Variants in FUS observed in about 807,000 individuals in gnomAD.
FUS encodes the protein FUS RNA binding protein.
FUS carries 5 observed loss-of-function variants against 82.7 expected under a neutral mutation model. The observed-to-expected ratio is 0.06, with a 90% CI of 0.03 to 0.13. The LOEUF (loss-of-function observed/expected upper bound fraction) is 0.13. Ranked by LOEUF, FUS falls within the 10% of genes least tolerant of loss-of-function variation. FUS has a pLI of 1.00. For synonymous variants in FUS, 281 were observed against 247.4 expected (o/e 1.14, Z -1.27); for missense variants, 512 against 707.8 (o/e 0.72, Z 3.14).
rs2079301664 is a variant in FUS, at chr16:31,188,318, A to G, written c.800-7A>G. 3.7e-6 allele frequency: 6 copies of G among 1,607,442 alleles called. No homozygotes were observed. The South Asian group carries it at 6.6e-5, about 18-fold the overall frequency. ...TTTTTTTGTTCTTTTTTTCCATGTC[A>G]CTAAAGGCCCTCGGGACCAAGGATC... On this transcript the variant is annotated splice_region_variant and splice_polypyrimidine_tract_variant and intron_variant, in intron 7 of 14. Transcript: ENST00000254108.
chr16:31,188,803 A>G (rs2079310014), intron 8 of FUS: 2 of 473,782 alleles, frequency 4.2e-6, no homozygotes, highest in Non-Finnish European at 7.5e-6. Context: ...TTCTTATTTA[A>G]TTCGGGGACC....
At chr16:31,184,163 G>T (rs1399082457) in intron 4 of FUS, 46 bp from the exon 5 acceptor site, 4 of 1,614,088 alleles carry the variant, frequency 2.5e-6, no homozygotes, top group South Asian at 2.2e-5. Flanking sequence ...AGGAAATTGG[G>T]GGCTATGCTG....
chr16:31,190,452 T>A, intron 12 of FUS, 54 bp downstream of exon 12: 1 of 1,612,036 alleles, frequency 6.2e-7, no homozygotes, highest in African/African-American at 1.3e-5. Flanking sequence ...CTCTTTGATA[T>A]ATTGGTACTG....
chr16:31,191,793 T>G (rs776599739), downstream of FUS: 4 of 582,742 alleles, frequency 6.9e-6, no homozygotes, highest in Admixed American at 4.3e-5. Flanking sequence ...GGTGTATAAA[T>G]GAGAAATGAA....
chr16:31,188,204 T>A (rs2079298929), intron 7 of FUS, 121 bp from the exon 8 acceptor site: 8 of 1,057,056 alleles, frequency 7.6e-6, no homozygotes, highest in Non-Finnish European at 1.1e-5. Flanking sequence ...ACTTACTTGA[T>A]ATTTTACAAG....
At position 31,184,908 on chromosome 16, in the gene FUS, T is replaced by C. The variant is rs754668657; in HGVS notation, c.524-31T>C. ...TGCTACTTTACAATCTTTTTGTTTTTTTTTTTTAATCATTCTTTCTTTTCT... is the reference window on the plus strand; with the variant it reads ...TGCTACTTTACAATCTTTTTGTTTTCTTTTTTTAATCATTCTTTCTTTTCT... On this transcript the variant is annotated intron_variant, in intron 5 of 14. Coordinates refer to ENST00000254108, the MANE Select transcript of FUS (RefSeq NM_004960.4). 1.2e-5 allele frequency: 19 copies of C among 1,610,238 alleles called. No homozygotes were observed. The South Asian group carries it at 2.1e-4, about 18-fold the overall frequency.
intron 6 of FUS, chr16:31,185,976 C>T (rs1285432985): frequency 4.2e-6 from 1 of 237,264 alleles, no homozygotes; most frequent in African/African-American, 2.2e-5. Flanking sequence ...GGAGGAATGT[C>T]AGTGTTACTG....
At chr16:31,192,202 G>A (rs1406519498), downstream of FUS, 1 of 528,020 alleles carries the variant, frequency 1.9e-6, no homozygotes, top group South Asian at 1.5e-5. Context: ...TGTACTCAGA[G>A]GGCTTGAGGT....
At position 31,182,526 on chromosome 16, in the gene FUS, C is replaced by A. The variant is rs144888138; in HGVS notation, c.52C>A (p.Pro18Thr). 36 of 1,614,114 alleles carry A rather than the reference C, an allele frequency of 2.2e-5. No individual in the cohort carries two copies. In the East Asian group the frequency reaches 6.7e-4, roughly 30 times the overall value. The stretch of plus-strand genomic sequence containing the variant: ...CCTTTTATTTAGCTATGGGGCCTAC[C>A]CCACCCAGCCCGGGCAGGGCTATTC... ...QQATQSYGAY[P>T]TQPGQGYSQQ... Residue 18 changes from proline (P) to threonine (T), a missense_variant, in exon 3 of 15, where the codon CCC becomes ACC. Transcript: ENST00000254108.
intron 8 of FUS, chr16:31,188,798 A>G: frequency 2.1e-6 from 1 of 469,422 alleles, no homozygotes. Context: ...TGGGTTTCTT[A>G]TTTAATTCGG....
intron 1 of FUS, 119 bp downstream of exon 1, chr16:31,180,346 G>T: frequency 7.5e-7 from 1 of 1,328,490 alleles, no homozygotes; most frequent in South Asian, 1.3e-5. Flanking sequence ...GCGCCCCTGT[G>T]GCGGGAAGCC....
intron 3 of FUS, chr16:31,183,366 T>C (rs1191035262): frequency 6.0e-6 from 1 of 165,766 alleles, no homozygotes; most frequent in Non-Finnish European, 1.3e-5. Flanking sequence ...TTTTGACTCT[T>C]CTTATTTTCC....
chr16:31,192,687 C>A, downstream of FUS: 1 of 481,054 alleles, frequency 2.1e-6, no homozygotes, highest in Non-Finnish European at 4.1e-6. Flanking sequence ...CAGGAGAATC[C>A]CAGCTTCTGA....
rs767906231 is a variant in FUS, at chr16:31,184,328, C to T, written c.455C>T (p.Pro152Leu). 3.7e-6 allele frequency: 6 copies of T among 1,614,002 alleles called. No homozygotes were observed. In the East Asian group the frequency reaches 6.7e-5, roughly 18 times the overall value. The stretch of plus-strand genomic sequence containing the variant: ...GGACAGCAGCAAAGCTATAATCCCC[C>T]TCAGGGCTATGGACAGCAGAACCAG... ...SYGQQQSYNP[P>L]QGYGQQNQYN... The change falls in exon 5 of 15, where the codon CCT (proline) becomes CTT (leucine). Residue 152 changes from proline (P) to leucine (L), a missense_variant. Pro to Leu is a moderately conservative substitution (Grantham distance 98). Transcript: ENST00000254108.
downstream of FUS, chr16:31,193,572 G>A: frequency 5.7e-6 from 3 of 530,090 alleles, no homozygotes; most frequent in South Asian, 1.5e-5. Flanking sequence ...GACCATTAGT[G>A]TCAAGTTCCT....
chr16:31,189,325 A>T, intron 9 of FUS, 99 bp downstream of exon 9: 1 of 967,640 alleles, frequency 1.0e-6, no homozygotes, highest in Non-Finnish European at 1.7e-6. Context: ...CAGCAGTAAA[A>T]ACAAGTCTTA....
chr16:31,182,563 G>A lies in FUS; in HGVS notation c.89G>A (p.Ser30Asn). 6.2e-7 allele frequency: 1 copy of A among 1,614,192 alleles called. No individual in the cohort carries two copies. The highest frequency in any genetic ancestry group is 8.5e-7 in the Non-Finnish European group (1 of 1,180,030). Residue 30 changes from serine to asparagine, a missense_variant, in exon 3 of 15, where the codon AGT becomes AAT. Physicochemically the swap from Ser to Asn is conservative, Grantham distance 46 (BLOSUM62 1). Coordinates refer to ENST00000254108, the MANE Select transcript of FUS (RefSeq NM_004960.4). ...GGGCAGGGCTATTCCCAGCAGAGCAGTCAGCCCTACGGACAGCAGAGTTAC... is the reference window on the plus strand; with the variant it reads ...GGGCAGGGCTATTCCCAGCAGAGCAATCAGCCCTACGGACAGCAGAGTTAC... ...QPGQGYSQQS[S>N]QPYGQQSYSG...
intron 1 of FUS, chr16:31,182,126 A>G: frequency 2.2e-6 from 1 of 454,488 alleles, no homozygotes; most frequent in Admixed American, 3.4e-5. Context: ...AGTAGCTGGG[A>G]TTACAGGCGT....
At chr16:31,189,490 A>G (rs2079320144) in intron 9 of FUS, among the ~76,000 whole-genome samples, 175 bp from the exon 10 acceptor site, 2 of 152,216 alleles carry the variant, frequency 1.3e-5, no homozygotes. Context: ...ATCTTTCAAT[A>G]TTGGAGTGAG....
Sources: allele counts gnomAD v4.1 joint callset (sites outside exome capture counted in the v4.1 genomes callset), GRCh38; gene constraint gnomAD v4.1.1; transcripts MANE v1.5; gene names NCBI Gene and HGNC (gene_info 2026-07-23, HGNC 2026-07-21).